The following HCRTR2 variants were observed in gnomAD, a reference collection of about 807,000 sequenced individuals.
The protein encoded by HCRTR2 is orexin receptor type 2.
HCRTR2 carries 22 observed loss-of-function variants against 49.0 expected under a neutral mutation model. That is an observed-to-expected ratio of 0.45 (90% CI 0.32 to 0.64). HCRTR2 has a LOEUF of 0.64. HCRTR2 is among the 30% of genes least tolerant of loss of function. The pLI is 0.04. For missense variants in HCRTR2, 491 were observed against 559.4 expected (o/e 0.88, Z 1.23); for synonymous variants, 236 against 205.3 (o/e 1.15, Z -1.28).
At chr6:55,155,877 T>C (rs1433377586) in intron 1 of HCRTR2, among the ~76,000 whole-genome samples, 4 of 151,950 alleles carry the variant, frequency 2.6e-5, no homozygotes, top group African/African-American at 7.2e-5. Context: ...GAGAAATACC[T>C]AGATGAGAGT....
intron 1 of HCRTR2, among the ~76,000 whole-genome samples, chr6:55,209,185 G>C (rs9464208): frequency 0.028 from 4,241 of 152,180 alleles, 190 homozygotes; most frequent in African/African-American, 0.097. Context: ...CAGGAGACAT[G>C]ATTTAATCTC....
rs1355288320 is a variant in HCRTR2 at position 55,245,467 on chromosome 6, TTTTATATATATATATATATA to T, written c.224-3170_224-3151del. On this transcript the variant is annotated intron_variant, in intron 1 of 6. Coordinates refer to ENST00000370862, the MANE Select transcript of HCRTR2 (RefSeq NM_001384272.1). Reference sequence around the variant, plus strand: ...TATACACATAGAATACATAGGAAGATTTTATATATATATATATATATATATATATATATATATATCTTCCC... The same window carrying T: ...TATACACATAGAATACATAGGAAGATTATATATATATATATATATCTTCCC... Among the ~76,000 whole-genome samples the T allele has an allele frequency of 6.9e-4, 70 of 101,378 alleles. 1 individual carries two copies. The highest frequency in any genetic ancestry group is 2.9e-3 in the African/African-American group (66 of 22,832). The allele number at this position is 101,378 out of a possible 152,430, so 66.5% of individuals were successfully genotyped here. A position where few individuals can be genotyped will look rare whatever the true frequency, so the allele number is the denominator to read the frequency against.
At chr6:55,211,984 C>T (rs1562008654) in intron 1 of HCRTR2, among the ~76,000 whole-genome samples, 2 of 152,126 alleles carry the variant, frequency 1.3e-5, no homozygotes, top group African/African-American at 4.8e-5. Context: ...CAGGGCTTCT[C>T]TAAAAGTGGG....
At chr6:55,139,459 T>C (rs1157040473) in intron 1 of HCRTR2, among the ~76,000 whole-genome samples, 1 of 152,214 alleles carries the variant, frequency 6.6e-6, no homozygotes, top group African/African-American at 2.4e-5. Context: ...AACTGAAGAC[T>C]GGAAACTCCA....
chr6:55,124,435 T>C (rs1188561547), intron 1 of HCRTR2, among the ~76,000 whole-genome samples: 1 of 152,202 alleles, frequency 6.6e-6, no homozygotes. Flanking sequence ...TTGATTGAGT[T>C]TCTTAAGCCT....
At chr6:55,171,936 A>G (rs779415206), upstream of HCRTR2, among the ~76,000 whole-genome samples, 20 of 152,202 alleles carry the variant, frequency 1.3e-4, no homozygotes, top group Admixed American at 5.2e-4. Context: ...GTTAATGAAT[A>G]TAGATCCGAA....
intron 3 of HCRTR2, among the ~76,000 whole-genome samples, chr6:55,262,254 T>TATC (rs1766771905): frequency 6.7e-6 from 1 of 149,062 alleles, no homozygotes; most frequent in Non-Finnish European, 1.5e-5. Flanking sequence ...CCCCAAAACC[T>TATC]ATCGGAATAA....
intron 1 of HCRTR2, among the ~76,000 whole-genome samples, chr6:55,133,711 A>G (rs1339868759): frequency 1.3e-5 from 2 of 151,422 alleles, no homozygotes; most frequent in East Asian, 3.9e-4. Flanking sequence ...CTATATCTCC[A>G]TCTAGGCATG....
intron 1 of HCRTR2, among the ~76,000 whole-genome samples, chr6:55,112,151 A>G (rs1764057327): frequency 6.6e-6 from 1 of 152,058 alleles, no homozygotes; most frequent in Non-Finnish European, 1.5e-5. Flanking sequence ...TCTTAGGGTA[A>G]TAAAAGCTAT....
intron 1 of HCRTR2, among the ~76,000 whole-genome samples, chr6:55,190,559 AC>A (rs1397424667): frequency 6.6e-6 from 1 of 152,328 alleles, no homozygotes; most frequent in South Asian, 2.1e-4. Context: ...AATATTTATA[AC>A]CAATATTATC....
intron 1 of HCRTR2, among the ~76,000 whole-genome samples, chr6:55,108,055 A>G (rs1357257666): frequency 6.6e-6 from 1 of 152,204 alleles, no homozygotes; most frequent in Non-Finnish European, 1.5e-5. Flanking sequence ...ATTATTATCA[A>G]TAAATTCATG....
At chr6:55,143,206 T>A (rs1764533540) in intron 1 of HCRTR2, among the ~76,000 whole-genome samples, 1 of 151,908 alleles carries the variant, frequency 6.6e-6, no homozygotes, top group South Asian at 2.1e-4. Context: ...CCTTAGAAAG[T>A]CAACCCTTGA....
intron 2 of HCRTR2, among the ~76,000 whole-genome samples, chr6:55,249,875 C>A (rs1398893212): frequency 3.3e-5 from 5 of 152,064 alleles, no homozygotes; most frequent in African/African-American, 1.2e-4. Context: ...AGCTTTCCTG[C>A]ACCCTCAGTT....
chr6:55,173,331 TG>T (rs1764978800), upstream of HCRTR2, among the ~76,000 whole-genome samples: 3 of 152,190 alleles, frequency 2.0e-5, no homozygotes, highest in South Asian at 6.2e-4. Flanking sequence ...TCAAGCTAGA[TG>T]GGGACATGTC....
chr6:55,133,606 C>T (rs975086560), intron 1 of HCRTR2, among the ~76,000 whole-genome samples: 1 of 151,776 alleles, frequency 6.6e-6, no homozygotes, highest in Admixed American at 6.6e-5. Context: ...AAACATTGTA[C>T]GTTCTAAGAA....
chr6:55,274,997 G>C (rs1415991949), intron 4 of HCRTR2, among the ~76,000 whole-genome samples: 2 of 152,140 alleles, frequency 1.3e-5, no homozygotes, highest in African/African-American at 2.4e-5. Flanking sequence ...TGTAAGTACA[G>C]AGTCAGTTTT....
chr6:55,135,509 C>T (rs1764421653), intron 1 of HCRTR2, among the ~76,000 whole-genome samples: 1 of 152,064 alleles, frequency 6.6e-6, no homozygotes, highest in Non-Finnish European at 1.5e-5. Flanking sequence ...TCTCCTCTCA[C>T]AAACTCCTCC....
downstream of HCRTR2, among the ~76,000 whole-genome samples, chr6:55,283,203 A>G (rs1398934152): frequency 1.3e-5 from 2 of 152,238 alleles, no homozygotes; most frequent in Non-Finnish European, 2.9e-5. Context: ...TGATATAGTC[A>G]GCCTTGCTGG....
intron 1 of HCRTR2, among the ~76,000 whole-genome samples, chr6:55,207,035 A>C (rs568235428): frequency 6.6e-6 from 1 of 152,206 alleles, no homozygotes; most frequent in Admixed American, 6.5e-5. Flanking sequence ...TTTGCTATAA[A>C]ATGGGAGGAT....
Sources: allele counts gnomAD v4.1 joint callset (sites outside exome capture counted in the v4.1 genomes callset), GRCh38; gene constraint gnomAD v4.1.1; transcripts MANE v1.5; gene names NCBI Gene and HGNC (gene_info 2026-07-23, HGNC 2026-07-21).